Variants in PSD3 observed in about 807,000 individuals in gnomAD.
PSD3 encodes pleckstrin and Sec7 domain containing 3.
In PSD3, 49 loss-of-function variants were observed where a neutral mutation model predicts 105.5. The observed-to-expected ratio is 0.46, with a 90% confidence interval of 0.37 to 0.59. The LOEUF (loss-of-function observed/expected upper bound fraction) is 0.59. Ranked by LOEUF, PSD3 falls within the 20% of genes least tolerant of loss-of-function variation. The pLI is 0.00. For synonymous variants in PSD3, 557 were observed against 457.8 expected, an observed-to-expected ratio of 1.22 and a Z score of -2.77; for missense variants, 1,561 against 1,263.8, an observed-to-expected ratio of 1.24 and a Z score of -3.57.
chr8:18,907,321 C>A (rs1251475926), intron 2 of PSD3, among the ~76,000 whole-genome samples: 1 of 151,982 alleles, frequency 6.6e-6, no homozygotes, highest in Non-Finnish European at 1.5e-5. Flanking sequence ...AATTTTTTGT[C>A]TTTTCATTGT....
In PSD3 at chr8:18,867,956, T is replaced by C. The variant is rs747352534; in HGVS notation, c.1352A>G (p.Asn451Ser). 1.2e-6 allele frequency: 2 copies of C among 1,614,184 alleles called. No homozygotes were observed. The highest frequency in any genetic ancestry group is 1.7e-6 in the Non-Finnish European group (2 of 1,180,030). The change falls in exon 4 of 16, where the codon AAC (asparagine) becomes AGC (serine). Residue 451 changes from asparagine (N) to serine (S), a missense_variant. Asn to Ser is a conservative substitution (Grantham distance 46). Transcript: ENST00000327040. The part of the protein sequence containing the change: ...YSSQFETILD[N>S]TSLYYSAESL... ...CTCTGCACTGTAGTATAAAGAAGTG[T>C]TGTCCAAAATGGTTTCAAACTGGGA...
chr8:18,615,705 G>C (rs549676180), intron 11 of PSD3, among the ~76,000 whole-genome samples: 4 of 152,276 alleles, frequency 2.6e-5, no homozygotes, highest in South Asian at 2.1e-4. Context: ...TAAAATAAAT[G>C]TAAGGTTAAA....
chr8:18,956,271 G>C (rs149292009), intron 1 of PSD3, among the ~76,000 whole-genome samples: 31 of 152,298 alleles, frequency 2.0e-4, no homozygotes, highest in Non-Finnish European at 3.7e-4. Flanking sequence ...TAAGAGATCA[G>C]GGCTTCTCAA....
intron 4 of PSD3, among the ~76,000 whole-genome samples, chr8:18,830,705 C>G (rs998247623): frequency 2.0e-5 from 3 of 152,148 alleles, no homozygotes; most frequent in Admixed American, 2.0e-4. Flanking sequence ...TGCAGCATAA[C>G]CCGAACTCCA....
intron 11 of PSD3, among the ~76,000 whole-genome samples, chr8:18,603,729 C>T (rs527405422): frequency 2.0e-5 from 3 of 152,264 alleles, no homozygotes; most frequent in East Asian, 1.9e-4. Context: ...TAGCACCATC[C>T]GCTTCTCGTG....
At chr8:18,881,383 C>G (rs906773420) in intron 2 of PSD3, among the ~76,000 whole-genome samples, 1 of 152,066 alleles carries the variant, frequency 6.6e-6, no homozygotes, top group African/African-American at 2.4e-5. Flanking sequence ...TCCATAAGAT[C>G]GGCTGCAGAA....
intron 11 of PSD3, among the ~76,000 whole-genome samples, chr8:18,615,973 A>T (rs1167399495): frequency 6.6e-6 from 1 of 152,264 alleles, no homozygotes; most frequent in East Asian, 1.9e-4. Flanking sequence ...AAAATAACTC[A>T]AAGTGGCTGA....
chr8:18,637,761 A>C (rs1337295865), intron 10 of PSD3, among the ~76,000 whole-genome samples: 2 of 152,204 alleles, frequency 1.3e-5, no homozygotes, highest in Admixed American at 1.3e-4. Flanking sequence ...CAATACCATA[A>C]TAAAAATATA....
chr8:18,644,841 C>T (rs537268869), intron 10 of PSD3, among the ~76,000 whole-genome samples: 10 of 152,320 alleles, frequency 6.6e-5, no homozygotes, highest in South Asian at 4.1e-4. Flanking sequence ...ATTCCACAAA[C>T]TGCATAATTT....
At chr8:18,725,028 T>C (rs887926876) in intron 9 of PSD3, among the ~76,000 whole-genome samples, 10 of 152,168 alleles carry the variant, frequency 6.6e-5, no homozygotes, top group Admixed American at 1.3e-4. Flanking sequence ...ATGTTGGGAA[T>C]CATTGAGCAA....
chr8:19,037,733 T>A (rs767292166), intron 1 of PSD3, among the ~76,000 whole-genome samples: 8 of 152,106 alleles, frequency 5.3e-5, no homozygotes, highest in Non-Finnish European at 1.0e-4. Flanking sequence ...GCCTTCACAC[T>A]CAGAACAGAA....
At chr8:18,554,127 C>A (rs1222456906) in intron 15 of PSD3, among the ~76,000 whole-genome samples, 3 of 152,184 alleles carry the variant, frequency 2.0e-5, no homozygotes, top group African/African-American at 7.2e-5. Context: ...CTTTCCATGG[C>A]CTTGCAGCCA....
chr8:18,623,507 G>T (rs1585419607), intron 11 of PSD3, among the ~76,000 whole-genome samples: 2 of 150,510 alleles, frequency 1.3e-5, no homozygotes, highest in Non-Finnish European at 3.0e-5. Flanking sequence ...GGGCATGGTG[G>T]TATATGCCTG....
intron 14 of PSD3, 148 bp downstream of exon 14, chr8:18,572,380 A>C: frequency 1.1e-6 from 1 of 948,258 alleles, no homozygotes; most frequent in South Asian, 1.7e-5. Flanking sequence ...AGTGTACTGC[A>C]TATCTGCCTC....
At chr8:18,804,225 A>C in intron 6 of PSD3, 1 of 260,282 alleles carries the variant, frequency 3.8e-6, no homozygotes, top group Non-Finnish European at 7.1e-6. Flanking sequence ...GAGATGCTCC[A>C]AAATCTACAA....
chr8:19,044,078 C>T (rs1828230222), intron 1 of PSD3, among the ~76,000 whole-genome samples: 1 of 152,198 alleles, frequency 6.6e-6, no homozygotes, highest in African/African-American at 2.4e-5. Context: ...CACCTCAACT[C>T]TGGTTCAGCC....
chr8:18,897,393 C>G (rs1183288831), intron 2 of PSD3, among the ~76,000 whole-genome samples: 1 of 152,084 alleles, frequency 6.6e-6, no homozygotes, highest in East Asian at 1.9e-4. Flanking sequence ...TATGACAGTA[C>G]TATGCTATTT....
intron 1 of PSD3, among the ~76,000 whole-genome samples, chr8:18,989,771 C>A (rs1268142683): frequency 6.6e-6 from 1 of 152,176 alleles, no homozygotes; most frequent in Non-Finnish European, 1.5e-5. Context: ...GGGTTTGGAT[C>A]AACTTCCCAC....
chr8:18,893,714 C>T (rs568958646), intron 2 of PSD3, among the ~76,000 whole-genome samples: 5 of 152,150 alleles, frequency 3.3e-5, no homozygotes, highest in African/African-American at 1.2e-4. Context: ...AACTCCAGGC[C>T]CAGGCCCAGG....
Sources: allele counts gnomAD v4.1 joint callset (sites outside exome capture counted in the v4.1 genomes callset), GRCh38; gene constraint gnomAD v4.1.1; transcripts MANE v1.5; gene names NCBI Gene and HGNC (gene_info 2026-07-23, HGNC 2026-07-21).